SORL1: variants seen among roughly 807,000 people sequenced by gnomAD.
SORL1 encodes sortilin related receptor 1, also known as sortilin-related receptor.
SORL1 carries 127 observed loss-of-function variants against 273.7 expected under a neutral mutation model. The ratio of observed to expected loss-of-function variants is 0.46; its 90% CI spans 0.40 to 0.54. SORL1 has a LOEUF of 0.54. Among genes scored for constraint, SORL1 ranks in the 20% least tolerant of loss-of-function variants. SORL1 has a pLI of 0.00. For missense variants in SORL1, 2,494 were observed against 2,846.1 expected (o/e 0.88, Z 2.81); for synonymous variants, 1,031 against 1,067.4 (o/e 0.97, Z 0.66).
In SORL1 at chr11:121,564,792, C is replaced by T. The variant is rs370262358; in HGVS notation, c.3050-2148C>T. Among the ~76,000 whole-genome samples, 5 of 151,850 alleles carry T rather than the reference C, an allele frequency of 3.3e-5. No individual in the cohort carries two copies. The South Asian group carries it at 6.2e-4, about 19-fold the overall frequency. ...TTCACTATGTTGCTCAGGGTGGTCTCGAACTCCTGGGCTCGAGTGATCCTC... is the reference window on the plus strand; with the variant it reads ...TTCACTATGTTGCTCAGGGTGGTCTTGAACTCCTGGGCTCGAGTGATCCTC... On this transcript the variant is annotated intron_variant, in intron 21 of 47. Transcript: ENST00000260197.
chr11:121,556,656 G>A (rs1319489889), intron 18 of SORL1, among the ~76,000 whole-genome samples: 2 of 152,230 alleles, frequency 1.3e-5, no homozygotes, highest in Non-Finnish European at 2.9e-5. Flanking sequence ...GAGCCAAGGT[G>A]CAGAGCTACT....
Position 121,452,345 on chromosome 11 carries a change from G to T in SORL1, c.14G>T (p.Ser5Ile). 1 of 1,552,000 alleles carries T rather than the reference G, an allele frequency of 6.4e-7. No homozygotes were observed. Among genetic ancestry groups the T allele is most frequent in the Non-Finnish European group, 8.7e-7 (1 of 1,153,736 alleles). ...GTTCGCCCGAACATGGCGACACGGAGCAGCAGGAGGGAGTCGCGACTCCCG... is the reference window on the plus strand; with the variant it reads ...GTTCGCCCGAACATGGCGACACGGATCAGCAGGAGGGAGTCGCGACTCCCG... MATRSSRRESRLPFL... is the reference protein window; with the variant it reads MATRISRRESRLPFL... Residue 5 changes from serine (S) to isoleucine (I), a missense_variant, in exon 1 of 48, where the codon AGC becomes ATC. Coordinates refer to ENST00000260197, the MANE Select transcript of SORL1 (RefSeq NM_003105.6). The surrounding 1 kb of genome is among the most constrained non-coding windows in gnomAD (Gnocchi z 5.3).
At chr11:121,598,418 T>C (rs1863333585) in intron 32 of SORL1, among the ~76,000 whole-genome samples, 1 of 152,180 alleles carries the variant, frequency 6.6e-6, no homozygotes, top group Non-Finnish European at 1.5e-5. Flanking sequence ...TGGGGGTTAC[T>C]GAGGATGAGG....
In SORL1 at chr11:121,611,543, G is replaced by A. The variant is rs138477408; in HGVS notation, c.5322+385G>A. ...CAGTGGAAGAACAACCTTCTTGTGGGAGAGTTGGATACCTTGGAAACATAT... is the reference window on the plus strand; with the variant it reads ...CAGTGGAAGAACAACCTTCTTGTGGAAGAGTTGGATACCTTGGAAACATAT... On this transcript the variant is annotated intron_variant, in intron 39 of 47. Coordinates refer to ENST00000260197, the MANE Select transcript of SORL1 (RefSeq NM_003105.6). The A allele has an allele frequency of 4.4e-3, 698 of 159,216 alleles. 8 individuals are homozygous for A. Among genetic ancestry groups the A allele is most frequent in the African/African-American group, 0.016 (661 of 41,724 alleles). The allele number at this position is 159,216 out of a possible 1,614,324, so 9.9% of individuals were successfully genotyped here. A position where few individuals can be genotyped will look rare whatever the true frequency, so the allele number is the denominator to read the frequency against.
intron 25 of SORL1, among the ~76,000 whole-genome samples, chr11:121,579,264 T>C (rs1375533920): frequency 6.6e-6 from 1 of 152,232 alleles, no homozygotes; most frequent in African/African-American, 2.4e-5. Flanking sequence ...CTTTCAAGGA[T>C]GATCCACCTT....
chr11:121,583,044 G>A (rs1227417853), intron 25 of SORL1, among the ~76,000 whole-genome samples: 2 of 152,214 alleles, frequency 1.3e-5, no homozygotes, highest in African/African-American at 4.8e-5. Flanking sequence ...AGGTGAGAAG[G>A]CAAACTACCA....
chr11:121,547,182 C>T (rs1862439100), intron 14 of SORL1, among the ~76,000 whole-genome samples: 1 of 151,976 alleles, frequency 6.6e-6, no homozygotes, highest in Admixed American at 6.6e-5. Context: ...CCAGGTAGTC[C>T]TCCCCAGACC....
rs115232066 is a variant in SORL1 at position 121,462,889 on chromosome 11, C to T, written c.286-7118C>T. Among the ~76,000 whole-genome samples, 512 of 152,312 alleles carry T rather than the reference C, an allele frequency of 3.4e-3. 6 individuals carry two copies. Among genetic ancestry groups the T allele is most frequent in the African/African-American group, 0.012 (489 of 41,582 alleles). On this transcript the variant is annotated intron_variant, in intron 1 of 47. Coordinates refer to ENST00000260197, the MANE Select transcript of SORL1 (RefSeq NM_003105.6). ...TGTGAGTCTGCCATTTTACTAACAC[C>T]TAGTATAGCATCTGGTATATAGTTA...
intron 5 of SORL1, among the ~76,000 whole-genome samples, chr11:121,496,347 C>T (rs1861629231): frequency 6.6e-6 from 1 of 152,192 alleles, no homozygotes; most frequent in Non-Finnish European, 1.5e-5. Flanking sequence ...ACGAAATGCA[C>T]AGGCAGCTCC....
In SORL1 at chr11:121,627,711, A is replaced by G; in HGVS notation, c.6521A>G (p.Asn2174Ser). The G allele has an allele frequency of 6.2e-7, 1 of 1,612,904 alleles. No homozygotes were observed. The highest frequency in any genetic ancestry group is 2.2e-5 in the East Asian group (1 of 44,894). The change falls in exon 47 of 48, where the codon AAC (asparagine) becomes AGC (serine). Residue 2174 changes from asparagine to serine, a missense_variant. This residue lies in a region of SORL1 where 1,609 missense variants were observed against 1,816.4 expected (regional missense o/e 0.89). Coordinates refer to ENST00000260197, the MANE Select transcript of SORL1 (RefSeq NM_003105.6). The surrounding 1 kb of genome is among the most constrained non-coding windows in gnomAD (Gnocchi z 4.9). ...RLQSSFTAFA[N>S]SHYSSRLGSA... ...CAGAGCAGCTTCACCGCCTTCGCCA[A>G]CAGCCACTACAGCTCCAGGCTGGGG...
chr11:121,485,990 A>C (rs1861466264), intron 3 of SORL1, among the ~76,000 whole-genome samples: 2 of 152,094 alleles, frequency 1.3e-5, no homozygotes, highest in Non-Finnish European at 2.9e-5. Context: ...AGAGAGTGCA[A>C]ATGAAAAGGA....
At chr11:121,530,922 G>T (rs985015218) in intron 11 of SORL1, among the ~76,000 whole-genome samples, 3 of 152,046 alleles carry the variant, frequency 2.0e-5, no homozygotes, top group Middle Eastern at 3.4e-3. Context: ...CTTTGTCATT[G>T]CTTTTCTGAT....
chr11:121,540,247 T>C (rs889367047), intron 12 of SORL1, among the ~76,000 whole-genome samples: 1 of 152,150 alleles, frequency 6.6e-6, no homozygotes, highest in African/African-American at 2.4e-5. Context: ...TATATTATGT[T>C]TTATTATTAT....
intron 45 of SORL1, among the ~76,000 whole-genome samples, chr11:121,624,135 G>C (rs2134952740): frequency 6.6e-6 from 1 of 152,302 alleles, no homozygotes; most frequent in Non-Finnish European, 1.5e-5. Flanking sequence ...CTCTCACCGG[G>C]TCCCTCCCAC....
chr11:121,486,480 C>CTT (rs551145449), intron 3 of SORL1, among the ~76,000 whole-genome samples: 6 of 138,938 alleles, frequency 4.3e-5, no homozygotes, highest in East Asian at 2.1e-4. Context: ...TTCTTTCTTT[C>CTT]TTTTTTTTTT....
chr11:121,490,561 C>G (rs1232295058), intron 5 of SORL1, among the ~76,000 whole-genome samples: 2 of 151,788 alleles, frequency 1.3e-5, no homozygotes, highest in Non-Finnish European at 2.9e-5. Flanking sequence ...CCAACATGGT[C>G]AAACCCTGTC....
chr11:121,491,442 G>C (rs1861551320), intron 5 of SORL1, among the ~76,000 whole-genome samples: 1 of 152,152 alleles, frequency 6.6e-6, no homozygotes. Context: ...GAGTGGGTAT[G>C]CTGGGTCAGT....
At chr11:121,613,419 G>A (rs1276098280) in intron 40 of SORL1, among the ~76,000 whole-genome samples, 1 of 152,196 alleles carries the variant, frequency 6.6e-6, no homozygotes, top group Non-Finnish European at 1.5e-5. Context: ...TGTAACTGTT[G>A]AGAATGACTT....
chr11:121,523,319 T>C (rs1862069559), intron 11 of SORL1, among the ~76,000 whole-genome samples: 1 of 152,162 alleles, frequency 6.6e-6, no homozygotes, highest in Admixed American at 6.5e-5. Context: ...TCAGGGCATA[T>C]ATGCTGCATG....
Sources: gnomAD v4.1 joint callset for allele counts (sites outside exome capture counted in the v4.1 genomes callset) on GRCh38, gnomAD v4.1.1 for gene constraint, gnomAD v4.1.1 regional missense constraint, Gnocchi (gnomAD v3.1) non-coding constraint, MANE v1.5 for transcripts, NCBI Gene and HGNC (gene_info 2026-07-23, HGNC 2026-07-21) for gene names.